UBTF: variants seen among roughly 807,000 people sequenced by gnomAD.
UBTF encodes the protein upstream binding transcription factor, also known as nucleolar transcription factor 1.
UBTF carries 8 observed loss-of-function variants against 112.3 expected under a neutral mutation model. That is an observed-to-expected ratio of 0.07 (90% confidence interval 0.04 to 0.13). The LOEUF (loss-of-function observed/expected upper bound fraction) is 0.13, where lower values mean the gene tolerates loss of function less well. Among genes scored for constraint, UBTF ranks in the 10% least tolerant of loss-of-function variants. UBTF has a pLI of 1.00. For synonymous variants in UBTF, 417 were observed against 373.1 expected (o/e 1.12, Z -1.36); for missense variants, 457 against 982.1 (o/e 0.47, Z 7.15).
rs1567793555 is a variant in UBTF at position 44,210,393 on chromosome 17, CT to C, written c.1439del (p.Lys480SerfsTer30). Reference protein sequence around the residue: ...KPGGEREERGKLPESPKRAEE... With the variant: ...KPGGEREERGXLPESPKRAEE... ...CAGCTCTTTTGGGGGACTCGGGCAG[CT>C]TGCCCCGTTCCTCGCGCTCCCCGCC... On this transcript the variant is annotated frameshift_variant, in exon 14 of 21. Transcript: ENST00000436088. LOFTEE classifies it high-confidence loss of function. 2 of 1,614,182 alleles carry C rather than the reference CT, an allele frequency of 1.2e-6. No homozygotes were observed. The highest frequency in any genetic ancestry group is 1.7e-6 in the Non-Finnish European group (2 of 1,180,036).
At chr17:44,209,214 T>A in intron 17 of UBTF, 138 bp downstream of exon 17, 1 of 851,974 alleles carries the variant, frequency 1.2e-6, no homozygotes, top group Non-Finnish European at 1.7e-6. Flanking sequence ...GTGACCGTTA[T>A]CCTGAAGGAT....
Position 44,205,441 on chromosome 17 carries a change from G to A in UBTF, c.*1801C>T. Reference sequence around the variant, plus strand: ...GTAGGGGCATCCAAATAGGAAACTGGGGTTCTTTGCAGGGCTCTTGGGAAG... The same window carrying A: ...GTAGGGGCATCCAAATAGGAAACTGAGGTTCTTTGCAGGGCTCTTGGGAAG... On this transcript the variant is annotated 3_prime_UTR_variant, in exon 21 of 21. Coordinates refer to ENST00000436088, the MANE Select transcript of UBTF (RefSeq NM_014233.4). 1 of 152,442 alleles carries A rather than the reference G, an allele frequency of 6.6e-6. No homozygotes were observed. The highest frequency in any genetic ancestry group is 1.9e-4 in the East Asian group (1 of 5,194). The allele number at this position is 152,442 out of a possible 1,614,324, so 9.4% of individuals were successfully genotyped here. A position where few individuals can be genotyped will look rare whatever the true frequency, so the allele number is the denominator to read the frequency against.
At position 44,212,668 on chromosome 17, in the gene UBTF, C is replaced by T. The variant is rs578076072; in HGVS notation, c.660+151G>A. 231 of 1,394,392 alleles carry T rather than the reference C, an allele frequency of 1.7e-4. No homozygotes were observed. In the South Asian group the frequency reaches 2.8e-3, roughly 17 times the overall value. 86.4% of individuals were successfully genotyped at this position (1,394,392 alleles called of 1,614,324 possible). A position where few individuals can be genotyped will look rare whatever the true frequency, so the allele number is the denominator to read the frequency against. ...GCACGCACACACGCACACGCTTGCA[C>T]GCCAGCTGGCCCGGGCCCTGTCCAT... On this transcript the variant is annotated intron_variant, in intron 7 of 20. Coordinates refer to ENST00000436088, the MANE Select transcript of UBTF (RefSeq NM_014233.4).
In UBTF at chr17:44,210,789, G is replaced by T; in HGVS notation, c.1359+3C>A. On this transcript the variant is annotated splice_donor_region_variant and intron_variant, in intron 13 of 20. Transcript: ENST00000436088. ...GGCACAGCGCTCCGCCAGGCAGCCT[G>T]ACCTTCTTCTTCTCAGACAGGTCGT... The T allele has an allele frequency of 6.4e-7, 1 of 1,561,328 alleles. No homozygotes were observed. The highest frequency in any genetic ancestry group is 8.7e-7 in the Non-Finnish European group (1 of 1,152,130).
chr17:44,210,104 G>T lies in UBTF; in HGVS notation c.1626+20C>A. On this transcript the variant is annotated intron_variant, in intron 15 of 20. Transcript: ENST00000436088. The stretch of plus-strand genomic sequence containing the variant: ...TTCCCGAGCTTTCAATGAATGGGGT[G>T]GCCCCAGCCCCATTCCTACCTCATA... 1 of 1,610,136 alleles carries T rather than the reference G, an allele frequency of 6.2e-7. No homozygotes were observed. Among genetic ancestry groups the T allele is most frequent in the Non-Finnish European group, 8.5e-7 (1 of 1,176,406 alleles).
rs371463207 is a variant in UBTF at position 44,211,072 on chromosome 17, G to A, written c.1170C>T (p.Pro390=). 28 of 1,612,736 alleles carry A rather than the reference G, an allele frequency of 1.7e-5. No homozygotes were observed. The African/African-American group carries it at 2.7e-4, about 15-fold the overall frequency. Residue 390 remains proline (P), a synonymous_variant, in exon 12 of 21, where the codon CCC becomes CCT. Coordinates refer to ENST00000436088, the MANE Select transcript of UBTF (RefSeq NM_014233.4). This position sits in a 1 kb window ranked among gnomAD's most constrained non-coding sequence, Gnocchi z 4.9. The stretch of plus-strand genomic sequence containing the variant: ...CTTCCTGGGCTGGCTTCTTGGAGGC[G>A]GGGCTGGTGGCCTGCTTCTTGTTGA... The part of the protein sequence containing the change: ...LNINKKQATS[P]ASKKPAQEGG...
chr17:44,214,680 G>C (rs1351864695), intron 5 of UBTF, among the ~76,000 whole-genome samples: 1 of 152,168 alleles, frequency 6.6e-6, no homozygotes, highest in Non-Finnish European at 1.5e-5. Context: ...CCAAGGGCAT[G>C]TGAGTCTGCA....
intron 3 of UBTF, 129 bp downstream of exon 3, chr17:44,216,400 A>C: frequency 9.2e-7 from 1 of 1,092,442 alleles, no homozygotes; most frequent in Non-Finnish European, 1.4e-6. Context: ...AGGGGCAGGT[A>C]GAGAGCTAAC....
upstream of UBTF, among the ~76,000 whole-genome samples, chr17:44,219,962 A>AG (rs1327368545): frequency 7.1e-6 from 1 of 141,764 alleles, no homozygotes; most frequent in African/African-American, 2.6e-5. Context: ...AGCTGGGAGG[A>AG]GGGGCGGGAG....
chr17:44,218,702 G>A (rs1317010498), intron 1 of UBTF, among the ~76,000 whole-genome samples: 1 of 151,326 alleles, frequency 6.6e-6, no homozygotes, highest in Non-Finnish European at 1.5e-5. Flanking sequence ...GGCGCGCGCG[G>A]CCACGGAAGC....
At chr17:44,210,074 G>C in intron 15 of UBTF, 50 bp downstream of exon 15, 2 of 1,595,422 alleles carry the variant, frequency 1.3e-6, no homozygotes, top group Non-Finnish European at 1.7e-6. Flanking sequence ...CCAACCAAAG[G>C]GGAGTTCCCG....
chr17:44,212,673 G>T, intron 7 of UBTF, 146 bp downstream of exon 7: 2 of 1,415,224 alleles, frequency 1.4e-6, no homozygotes, highest in Non-Finnish European at 1.9e-6. Context: ...TTGCACGCCA[G>T]CTGGCCCGGG....
intron 1 of UBTF, 163 bp from the exon 2 acceptor site, chr17:44,218,459 C>T (rs71371978): frequency 1.9e-6 from 1 of 521,898 alleles, no homozygotes; most frequent in South Asian, 2.5e-5. Context: ...CGCCCCTCCT[C>T]TTCCTCGTGA....
intron 3 of UBTF, 32 bp downstream of exon 3, chr17:44,216,497 T>C (rs1406351529): frequency 1.9e-6 from 3 of 1,610,842 alleles, no homozygotes; most frequent in African/African-American, 1.3e-5. Flanking sequence ...GTGGGGGGTA[T>C]GTGTGTATGT....
At chr17:44,220,467 TC>T (rs1416055832), upstream of UBTF, among the ~76,000 whole-genome samples, 1 of 151,148 alleles carries the variant, frequency 6.6e-6, no homozygotes, top group Non-Finnish European at 1.5e-5. Context: ...GGTGCCTACC[TC>T]GCGGTCCTCT....
rs544643123 is a variant in UBTF at position 44,218,281 on chromosome 17, T to G, written c.-52A>C. The G allele has an allele frequency of 6.3e-7, 1 of 1,597,836 alleles. No homozygotes were observed. Among genetic ancestry groups the G allele is most frequent in the East Asian group, 2.2e-5 (1 of 44,774 alleles). On this transcript the variant is annotated 5_prime_UTR_variant, in exon 2 of 21. Transcript: ENST00000436088. ...GTCGTGCTGGCCGGGCAACCCGGGGTCAAAGCCACCTCACCCTTTGGAAGA... is the reference window on the plus strand; with the variant it reads ...GTCGTGCTGGCCGGGCAACCCGGGGGCAAAGCCACCTCACCCTTTGGAAGA...
chr17:44,215,651 C>A lies in UBTF; in HGVS notation c.474+3G>T, dbSNP rs756434915. 89 of 1,613,742 alleles carry A rather than the reference C, an allele frequency of 5.5e-5. No individual in the cohort carries two copies. Among genetic ancestry groups the A allele is most frequent in the Non-Finnish European group, 6.9e-5 (82 of 1,179,984 alleles). ...CCTCCCACCTTAACTCTCCTCCCCCCACCTTCTTCTTCTCCGGAAGCTCCT... is the reference window on the plus strand; with the variant it reads ...CCTCCCACCTTAACTCTCCTCCCCCAACCTTCTTCTTCTCCGGAAGCTCCT... On this transcript the variant is annotated splice_donor_region_variant and intron_variant, in intron 5 of 20. Coordinates refer to ENST00000436088, the MANE Select transcript of UBTF (RefSeq NM_014233.4).
At chr17:44,219,025 G>A (rs887450231) in intron 1 of UBTF, 1 of 145,948 alleles carries the variant, frequency 6.9e-6, no homozygotes, top group Non-Finnish European at 1.5e-5. Context: ...GCCCGGCACA[G>A]AGGCGCGACC....
At chr17:44,208,745 G>A (rs1326243131) in intron 17 of UBTF, 8 of 186,882 alleles carry the variant, frequency 4.3e-5, no homozygotes, top group Admixed American at 6.2e-5. Context: ...AAGCACAGAG[G>A]GGAAGCACAA....
Sources: allele counts gnomAD v4.1 joint callset (sites outside exome capture counted in the v4.1 genomes callset), GRCh38; gene constraint gnomAD v4.1.1; non-coding constraint Gnocchi (gnomAD v3.1); transcripts MANE v1.5; gene names NCBI Gene and HGNC (gene_info 2026-07-23, HGNC 2026-07-21).